Variants in RPAP2 observed in about 807,000 individuals in gnomAD.
RPAP2 encodes the protein putative RNA polymerase II subunit B1 CTD phosphatase RPAP2.
In RPAP2, 52 loss-of-function variants were observed where a neutral mutation model predicts 73.1. The observed-to-expected ratio is 0.71, with a 90% confidence interval of 0.57 to 0.90. The LOEUF (loss-of-function observed/expected upper bound fraction) is 0.90, where lower values mean the gene tolerates loss of function less well. RPAP2 is among the 40% of genes least tolerant of loss of function. RPAP2 has a pLI of 0.00. For missense variants in RPAP2, 598 were observed against 701.8 expected (o/e 0.85, Z 1.67); for synonymous variants, 225 against 242.1 (o/e 0.93, Z 0.65).
In RPAP2 at chr1:92,333,388, C is replaced by T. The variant is rs78196083; in HGVS notation, c.1456-3C>T. 1,688 of 1,609,160 alleles carry T rather than the reference C, an allele frequency of 1.0e-3. 36 individuals are homozygous for T. The East Asian group carries it at 0.031, about 29-fold the overall frequency. On this transcript the variant is annotated splice_region_variant and splice_polypyrimidine_tract_variant and intron_variant, in intron 8 of 12. Transcript: ENST00000610020. ...TTTTGCTTTGTTTAAAAATGTGATT[C>T]AGCATGATTCCACCTTTCCACTGAT...
intron 11 of RPAP2, among the ~76,000 whole-genome samples, chr1:92,371,304 CA>C (rs1304166097): frequency 0.041 from 3,691 of 90,302 alleles, 157 homozygotes; most frequent in African/African-American, 0.14. Flanking sequence ...GTCTCTGTCT[CA>C]AAAAAAAAAA....
rs536067026 is a variant in RPAP2, at chr1:92,344,835, T to TTTTCAAATTTCACGGTCCA, written c.1620-999_1620-981dup. On this transcript the variant is annotated intron_variant, in intron 10 of 12. Transcript: ENST00000610020. ...TCTCAAATTATTAGTGAGATTGAGC[T>TTTTCAAATTTCACGGTCCA]TTTCAAATTTCACGGTCCATTTCAA... 2.0e-4 allele frequency among the ~76,000 whole-genome samples: 31 copies of TTTTCAAATTTCACGGTCCA among 152,310 alleles called. No individual in the cohort carries two copies. In the East Asian group the frequency reaches 5.4e-3, roughly 27 times the overall value.
rs1366708453 is a variant in RPAP2, at chr1:92,393,872, TTGG to T, written c.*6865_*6867del. 1 of 152,218 alleles carries T rather than the reference TTGG, an allele frequency of 6.6e-6. No homozygotes were observed. Among genetic ancestry groups the T allele is most frequent in the Non-Finnish European group, 1.5e-5 (1 of 68,042 alleles). The allele number at this position is 152,218 out of a possible 1,614,324, so 9.4% of individuals were successfully genotyped here. A position where few individuals can be genotyped will look rare whatever the true frequency, so the allele number is the denominator to read the frequency against. On this transcript the variant is annotated 3_prime_UTR_variant, in exon 13 of 13. Coordinates refer to ENST00000610020, the MANE Select transcript of RPAP2 (RefSeq NM_024813.3). ...GAAAAATTGGAACGCTTTTACACTG[TTGG>T]TGGGAGTGCAAATTAGTCCGACCAT...
In RPAP2 at chr1:92,316,615, TTAAC is replaced by T. The variant is rs1651919771; in HGVS notation, c.489-3981_489-3978del. On this transcript the variant is annotated intron_variant, in intron 6 of 12. Transcript: ENST00000610020. Reference sequence around the variant, plus strand: ...TAAAGAAACAGCTTACAAGCATTCTTTAACTAGGATGGTTACATATTTTTGTTTT... The same window carrying T: ...TAAAGAAACAGCTTACAAGCATTCTTTAGGATGGTTACATATTTTTGTTTT... Among the ~76,000 whole-genome samples, 6 of 152,336 alleles carry T rather than the reference TTAAC, an allele frequency of 3.9e-5. No homozygotes were observed. The South Asian group carries it at 1.2e-3, about 32-fold the overall frequency.
chr1:92,323,557 A>G lies in RPAP2; in HGVS notation c.637A>G (p.Ser213Gly), dbSNP rs751217787. 6 of 1,613,796 alleles carry G rather than the reference A, an allele frequency of 3.7e-6. No individual in the cohort carries two copies. The highest frequency in any genetic ancestry group is 4.2e-6 in the Non-Finnish European group (5 of 1,179,678). The change falls in exon 8 of 13, where the codon AGT becomes GGT. Residue 213 changes from serine to glycine, a missense_variant. By Grantham distance (56) the Ser-to-Gly change is moderately conservative. This residue lies in a region of RPAP2 where 506 missense variants were observed against 612.8 expected (regional missense o/e 0.83). Coordinates refer to ENST00000610020, the MANE Select transcript of RPAP2 (RefSeq NM_024813.3). The stretch of plus-strand genomic sequence containing the variant: ...TGAATCTAGTTCTTCTAGCACTCAC[A>G]GTGATAGTAGCAGTGACAATGAGCA... ...QYESSSSSTH[S>G]DSSSDNEQDF...
chr1:92,323,655 A>G lies in RPAP2; in HGVS notation c.735A>G (p.Lys245=). ...STNIRPQLHQ[K]SIMKKKAGHK... is the part of the protein sequence containing the mutation. ...ATATTAGACCACAGCTGCACCAAAA[A>G]AGCATAATGAAAAAGAAAGCTGGTC... is the stretch of plus-strand genomic sequence containing the variant. Residue 245 remains lysine, a synonymous_variant, in exon 8 of 13, where the codon AAA becomes AAG. Coordinates refer to ENST00000610020, the MANE Select transcript of RPAP2 (RefSeq NM_024813.3). 6.2e-7 allele frequency: 1 copy of G among 1,613,668 alleles called. No homozygotes were observed. Among genetic ancestry groups the G allele is most frequent in the South Asian group, 1.1e-5 (1 of 91,068 alleles).
At chr1:92,384,700 A>G (rs536970555) in intron 12 of RPAP2, among the ~76,000 whole-genome samples, 59 of 151,984 alleles carry the variant, frequency 3.9e-4, no homozygotes, top group Non-Finnish European at 6.2e-4. Flanking sequence ...TGATCCTGCT[A>G]CTCTGAGGAC....
At chr1:92,380,615 CAA>C (rs1655588277) in intron 11 of RPAP2, 107 bp from the exon 12 acceptor site, 10 of 696,332 alleles carry the variant, frequency 1.4e-5, no homozygotes, top group Middle Eastern at 2.6e-4. Context: ...TTAGTTAAAT[CAA>C]AGAGACTTTA....
At position 92,324,017 on chromosome 1, in the gene RPAP2, T is replaced by TTA; in HGVS notation, c.1097_1098insTA (p.Leu366PhefsTer6). The TTA allele has an allele frequency of 6.2e-7, 1 of 1,613,930 alleles. No homozygotes were observed. The highest frequency in any genetic ancestry group is 8.5e-7 in the Non-Finnish European group (1 of 1,179,882). The stretch of plus-strand genomic sequence containing the variant: ...TGTCCTGAAGTTGGAAAGAGAAACT[T>TTA]ACTTAAAGTTTTGAAGGAGACTTTG... On this transcript the variant is annotated frameshift_variant, in exon 8 of 13. Coordinates refer to ENST00000610020, the MANE Select transcript of RPAP2 (RefSeq NM_024813.3). LOFTEE classifies it high-confidence loss of function.
chr1:92,322,804 G>T (rs1179932541), intron 7 of RPAP2, among the ~76,000 whole-genome samples: 3 of 151,496 alleles, frequency 2.0e-5, no homozygotes, highest in African/African-American at 7.3e-5. Flanking sequence ...TTGAACCTAG[G>T]GGGCAGAGGT....
At chr1:92,304,875 C>T (rs1339654415) in intron 5 of RPAP2, among the ~76,000 whole-genome samples, 1 of 152,184 alleles carries the variant, frequency 6.6e-6, no homozygotes, top group African/African-American at 2.4e-5. Context: ...GTGGCTCACA[C>T]CTGTAATCCT....
chr1:92,313,293 C>T (rs1651704793), intron 6 of RPAP2, among the ~76,000 whole-genome samples: 1 of 152,180 alleles, frequency 6.6e-6, no homozygotes, highest in East Asian at 1.9e-4. Context: ...TGTCTTAAGA[C>T]TTGAAAGTTG....
At chr1:92,312,925 G>A (rs1322747693) in intron 6 of RPAP2, among the ~76,000 whole-genome samples, 1 of 151,926 alleles carries the variant, frequency 6.6e-6, no homozygotes, top group African/African-American at 2.4e-5. Flanking sequence ...CAGTTCAGTG[G>A]CGAAATCTCA....
rs190233917 is a variant in RPAP2 at position 92,320,135 on chromosome 1, T to C, written c.489-464T>C. On this transcript the variant is annotated intron_variant, in intron 6 of 12. Coordinates refer to ENST00000610020, the MANE Select transcript of RPAP2 (RefSeq NM_024813.3). ...TGGAATTTAGGGAAGGGATTTACTTTAGTCCAAGTTAGTCAAGGAAAACTT... is the reference window on the plus strand; with the variant it reads ...TGGAATTTAGGGAAGGGATTTACTTCAGTCCAAGTTAGTCAAGGAAAACTT... Among the ~76,000 whole-genome samples, 151 of 152,334 alleles carry C rather than the reference T, an allele frequency of 9.9e-4. 1 individual carries two copies. Among genetic ancestry groups the C allele is most frequent in the Non-Finnish European group, 1.8e-3 (123 of 68,032 alleles).
At chr1:92,352,423 A>T (rs892902357) in intron 11 of RPAP2, among the ~76,000 whole-genome samples, 1 of 144,072 alleles carries the variant, frequency 6.9e-6, no homozygotes, top group Non-Finnish European at 1.5e-5. Context: ...GAAAGATGTG[A>T]GTAAGGCTTT....
Position 92,324,233 on chromosome 1 carries a change from G to C in RPAP2, c.1313G>C (p.Gly438Ala). ...TTGGATGAGTCTTTACCTTTTAGGG[G>C]CTCAGGTACAGCCATTAAACCACTG... ...NSLDESLPFR[G>A]SGTAIKPLPS... The change falls in exon 8 of 13, where the codon GGC (glycine) becomes GCC (alanine). Residue 438 changes from glycine to alanine, a missense_variant. By Grantham distance (60) the Gly-to-Ala change is moderately conservative. Around this residue, in one of 3 missense-constraint regions of RPAP2, gnomAD observed 506 missense variants for 612.8 expected, o/e 0.83. Transcript: ENST00000610020. 1 of 1,614,056 alleles carries C rather than the reference G, an allele frequency of 6.2e-7. No individual in the cohort carries two copies. The highest frequency in any genetic ancestry group is 1.6e-4 in the Middle Eastern group (1 of 6,062).
intron 11 of RPAP2, among the ~76,000 whole-genome samples, chr1:92,354,706 T>C (rs546743643): frequency 1.3e-5 from 2 of 152,160 alleles, no homozygotes; most frequent in East Asian, 3.9e-4. Flanking sequence ...GTTTTCTAGA[T>C]AGTAGTTCTG....
At chr1:92,379,986 A>T (rs1655553876) in intron 11 of RPAP2, among the ~76,000 whole-genome samples, 1 of 149,554 alleles carries the variant, frequency 6.7e-6, no homozygotes, top group South Asian at 2.1e-4. Context: ...TTGACCAGGC[A>T]TGGTGGCTCA....
intron 2 of RPAP2, 147 bp from the exon 3 acceptor site, chr1:92,301,329 A>G (rs919982779): frequency 1.8e-5 from 6 of 330,694 alleles, no homozygotes; most frequent in Non-Finnish European, 1.6e-5. Flanking sequence ...ACAATTAAAA[A>G]GAAATAAATA....
Sources: gnomAD v4.1 joint callset for allele counts (sites outside exome capture counted in the v4.1 genomes callset) on GRCh38, gnomAD v4.1.1 for gene constraint, gnomAD v4.1.1 regional missense constraint, MANE v1.5 for transcripts, NCBI Gene and HGNC (gene_info 2026-07-23, HGNC 2026-07-21) for gene names.